Variants in WASF3 observed in about 807,000 individuals in gnomAD.
The protein encoded by WASF3 is WASP family member 3.
A neutral mutation model predicts 46.6 loss-of-function variants in WASF3; 11 were observed. The observed-to-expected ratio is 0.24, with a 90% confidence interval of 0.15 to 0.39. The LOEUF is 0.39. Ranked by LOEUF, WASF3 falls within the 10% of genes least tolerant of loss-of-function variation. The pLI is 1.00. For synonymous variants in WASF3, 242 were observed against 259.7 expected, an observed-to-expected ratio of 0.93 and a Z score of 0.65; for missense variants, 576 against 669.8, an observed-to-expected ratio of 0.86 and a Z score of 1.55.
intron 1 of WASF3, among the ~76,000 whole-genome samples, chr13:26,594,924 A>AT (rs1178206460): frequency 6.6e-6 from 1 of 152,170 alleles, no homozygotes; most frequent in East Asian, 1.9e-4. Context: ...TCATCTTCAG[A>AT]TTCAGCTCTG....
At chr13:26,638,285 A>C (rs1881891947) in intron 2 of WASF3, 1 of 152,174 alleles carries the variant, frequency 6.6e-6, no homozygotes. Flanking sequence ...CCACCTCCAA[A>C]TTCTTAGGGA....
chr13:26,579,450 C>A (rs918513967), intron 1 of WASF3, among the ~76,000 whole-genome samples: 1 of 152,088 alleles, frequency 6.6e-6, no homozygotes, highest in Admixed American at 6.6e-5. Flanking sequence ...TAGTCTGGTT[C>A]TAGACACATG....
At position 26,635,523 on chromosome 13, in the gene WASF3, T is replaced by C. The variant is rs565338776; in HGVS notation, c.-10-6738T>C. Among the ~76,000 whole-genome samples, 14 of 152,380 alleles carry C rather than the reference T, an allele frequency of 9.2e-5. No homozygotes were observed. The South Asian group carries it at 2.9e-3, about 32-fold the overall frequency. Reference sequence around the variant, plus strand: ...CAAAGTCATTCTCCGTCCAGCTTTGTTCCATTGCTGGCAAGGAGCTGTGAT... The same window carrying C: ...CAAAGTCATTCTCCGTCCAGCTTTGCTCCATTGCTGGCAAGGAGCTGTGAT... On this transcript the variant is annotated intron_variant, in intron 2 of 9. Coordinates refer to ENST00000335327, the MANE Select transcript of WASF3 (RefSeq NM_006646.6).
chr13:26,656,022 C>A (rs1359197514), intron 3 of WASF3, among the ~76,000 whole-genome samples: 1 of 152,088 alleles, frequency 6.6e-6, no homozygotes, highest in Non-Finnish European at 1.5e-5. Context: ...CTTGTCAAAC[C>A]AAGATCTAGG....
In WASF3 at chr13:26,668,598, G is replaced by A. The variant is rs559702476; in HGVS notation, c.422+928G>A. Among the ~76,000 whole-genome samples the A allele has an allele frequency of 1.2e-4, 19 of 152,372 alleles. No homozygotes were observed. The South Asian group carries it at 3.5e-3, about 28-fold the overall frequency. On this transcript the variant is annotated intron_variant, in intron 5 of 9. Transcript: ENST00000335327. ...TTTGGCCCATCTCAGGGAGTGCATA[G>A]AATTTTTCTTGGTCCTAATTCCTGT...
intron 1 of WASF3, among the ~76,000 whole-genome samples, chr13:26,581,090 C>G (rs527804499): frequency 4.6e-5 from 7 of 152,160 alleles, no homozygotes; most frequent in African/African-American, 1.7e-4. Context: ...ACCACCATGC[C>G]TGGCTAATTT....
rs1411591271 is a variant in WASF3 at position 26,671,949 on chromosome 13, A to G, written c.500A>G (p.Gln167Arg). 2 of 1,611,570 alleles carry G rather than the reference A, an allele frequency of 1.2e-6. No individual in the cohort carries two copies. The highest frequency in any genetic ancestry group is 2.7e-5 in the African/African-American group (2 of 74,776). Reference sequence around the variant, plus strand: ...GACCTCTGGAAAGAAAAAATGCTACAGGACACAGAAGACAAAAGGAAAGAG... The same window carrying G: ...GACCTCTGGAAAGAAAAAATGCTACGGGACACAGAAGACAAAAGGAAAGAG... ...FFDLWKEKML[Q>R]DTEDKRKEKR... is the part of the protein sequence containing the mutation. The change falls in exon 6 of 10, where the codon CAG (glutamine) becomes CGG (arginine). Residue 167 changes from glutamine to arginine, a missense_variant. Gln to Arg is a conservative substitution (Grantham distance 43). Around this residue, in one of 3 missense-constraint regions of WASF3, gnomAD observed 213 missense variants for 278.0 expected, o/e 0.77. Transcript: ENST00000335327.
chr13:26,591,526 T>C (rs904619183), intron 1 of WASF3, among the ~76,000 whole-genome samples: 3 of 152,044 alleles, frequency 2.0e-5, no homozygotes, highest in Admixed American at 6.6e-5. Flanking sequence ...GTTTTTGACT[T>C]GAGCAGCTGA....
intron 2 of WASF3, among the ~76,000 whole-genome samples, chr13:26,631,812 T>C (rs888671197): frequency 7.2e-5 from 11 of 152,230 alleles, no homozygotes; most frequent in Non-Finnish European, 1.3e-4. Context: ...GAGCATGGAA[T>C]GTTTTTCCAT....
intron 2 of WASF3, among the ~76,000 whole-genome samples, chr13:26,620,213 G>A (rs1254645060): frequency 6.6e-6 from 1 of 152,030 alleles, no homozygotes; most frequent in Non-Finnish European, 1.5e-5. Flanking sequence ...AAGAAAAATA[G>A]TTCCTGGTCA....
chr13:26,629,422 G>A (rs1881583286), intron 2 of WASF3, among the ~76,000 whole-genome samples: 1 of 152,190 alleles, frequency 6.6e-6, no homozygotes, highest in Non-Finnish European at 1.5e-5. Context: ...ATCAAGCTAC[G>A]CGGTGTCATG....
chr13:26,622,496 C>T (rs1881337118), intron 2 of WASF3: 1 of 152,306 alleles, frequency 6.6e-6, no homozygotes, highest in South Asian at 2.1e-4. Flanking sequence ...TGCATGAAAG[C>T]TGTTATCCAT....
At chr13:26,604,850 C>T (rs1055429722) in intron 1 of WASF3, among the ~76,000 whole-genome samples, 2 of 152,156 alleles carry the variant, frequency 1.3e-5, no homozygotes, top group African/African-American at 4.8e-5. Flanking sequence ...TTTGTGGGGT[C>T]AAGAGCAACA....
intron 1 of WASF3, among the ~76,000 whole-genome samples, chr13:26,593,881 A>G (rs562824169): frequency 1.1e-4 from 16 of 152,212 alleles, no homozygotes; most frequent in Non-Finnish European, 2.2e-4. Context: ...GCTCTAACAT[A>G]GTTTGCTTTA....
rs540983226 is a variant in WASF3, at chr13:26,679,983, C to A, written c.717-1071C>A. 9 of 1,564,224 alleles carry A rather than the reference C, an allele frequency of 5.8e-6. No homozygotes were observed. The South Asian group carries it at 1.0e-4, about 18-fold the overall frequency. ...ATCCCAAAGATGGAAATGCAGCGTG[C>A]ATCTTCCCTGCTCCCTCAGCACCCC... is the stretch of plus-strand genomic sequence containing the variant. On this transcript the variant is annotated intron_variant, in intron 7 of 9. Transcript: ENST00000335327. The surrounding 1 kb of genome is among the most constrained non-coding windows in gnomAD (Gnocchi z 4.8).
At chr13:26,614,454 A>G (rs1881072758) in intron 2 of WASF3, among the ~76,000 whole-genome samples, 1 of 152,230 alleles carries the variant, frequency 6.6e-6, no homozygotes, top group South Asian at 2.1e-4. Flanking sequence ...TTTGAATTGA[A>G]TGAAAAGGAA....
intron 7 of WASF3, 78 bp downstream of exon 7, chr13:26,676,802 G>A: frequency 1.4e-6 from 2 of 1,399,286 alleles, no homozygotes; most frequent in East Asian, 2.4e-5. Flanking sequence ...CATTTGAAAT[G>A]CATCAATAGC....
intron 1 of WASF3, among the ~76,000 whole-genome samples, chr13:26,612,192 TTA>T (rs1881001361): frequency 6.6e-6 from 1 of 152,234 alleles, no homozygotes; most frequent in African/African-American, 2.4e-5. Context: ...TTATTCATTT[TTA>T]TGTGTTCAGT....
chr13:26,580,530 T>C (rs985359693), intron 1 of WASF3, among the ~76,000 whole-genome samples: 22 of 152,308 alleles, frequency 1.4e-4, no homozygotes, highest in African/African-American at 5.3e-4. Context: ...TCATATGTTA[T>C]TTTTTGTTGC....
Sources: allele counts gnomAD v4.1 joint callset (sites outside exome capture counted in the v4.1 genomes callset), GRCh38; gene constraint gnomAD v4.1.1; regional missense constraint gnomAD v4.1.1; non-coding constraint Gnocchi (gnomAD v3.1); transcripts MANE v1.5; gene names NCBI Gene and HGNC (gene_info 2026-07-23, HGNC 2026-07-21).